MRGPRE: variants seen among roughly 807,000 people sequenced by gnomAD.
MRGPRE encodes the protein MAS related GPR family member E.
For synonymous variants in MRGPRE, 229 were observed against 206.7 expected (o/e 1.11, Z -0.92); for missense variants, 466 against 433.4 (o/e 1.08, Z -0.67).
At position 3,228,534 on chromosome 11, in the gene MRGPRE, A is replaced by G. The variant is rs899337770; in HGVS notation, c.266T>C (p.Leu89Pro). The G allele has an allele frequency of 6.2e-7, 1 of 1,613,670 alleles. No individual in the cohort carries two copies. Among genetic ancestry groups the G allele is most frequent in the Non-Finnish European group, 8.5e-7 (1 of 1,179,898 alleles). ...AIVPDLLQGRLDFPGFVQTSL... is the reference protein window; with the variant it reads ...AIVPDLLQGRPDFPGFVQTSL... ...GGTCTGCACGAAGCCCGGGAAGTCCAGCCGGCCTTGCAGCAAGTCGGGGAC... is the reference window on the plus strand; with the variant it reads ...GGTCTGCACGAAGCCCGGGAAGTCCGGCCGGCCTTGCAGCAAGTCGGGGAC... The change falls in exon 2 of 2, where the codon CTG (leucine) becomes CCG (proline). Residue 89 changes from leucine (L) to proline (P), a missense_variant. By Grantham distance (98) the Leu-to-Pro change is moderately conservative. Coordinates refer to ENST00000389832, the MANE Select transcript of MRGPRE (RefSeq NM_001039165.4).
Position 3,229,212 on chromosome 11 carries a change from CTTTTTTTTTTTTTTTTTTT to C in MRGPRE, c.-61-371_-61-353del, listed in dbSNP as rs60799467. 0.68 allele frequency among the ~76,000 whole-genome samples: 87,439 copies of C among 129,410 alleles called. 26,848 individuals are homozygous for C. The highest frequency in any genetic ancestry group is 0.73 in the Middle Eastern group (183 of 252). The allele number at this position is 129,410 out of a possible 152,430, so 84.9% of individuals were successfully genotyped here. A position where few individuals can be genotyped will look rare whatever the true frequency, so the allele number is the denominator to read the frequency against. The stretch of plus-strand genomic sequence containing the variant: ...GTGGTGCCTTGATCCTCAGAATGGG[CTTTTTTTTTTTTTTTTTTT>C]TTTTTTTTTTGGAGATGGAGTCTGG... On this transcript the variant is annotated intron_variant, in intron 1 of 1. Coordinates refer to ENST00000389832, the MANE Select transcript of MRGPRE (RefSeq NM_001039165.4). This position sits in a 1 kb window ranked among gnomAD's most constrained non-coding sequence, Gnocchi z 4.4.
chr11:3,227,774 G>C lies in MRGPRE; in HGVS notation c.*87C>G, dbSNP rs1249043288. ...CCCACCAAGGCCTCCTCCAGGTCCG[G>C]CTGGCCCCAGCCTCTGACCCCACCA... is the stretch of plus-strand genomic sequence containing the variant. On this transcript the variant is annotated 3_prime_UTR_variant, in exon 2 of 2. Transcript: ENST00000389832. 8.9e-7 allele frequency: 1 copy of C among 1,129,902 alleles called. No individual in the cohort carries two copies. The highest frequency in any genetic ancestry group is 1.2e-6 in the Non-Finnish European group (1 of 833,556). The allele number at this position is 1,129,902 out of a possible 1,614,324, so 70.0% of individuals were successfully genotyped here. A position where few individuals can be genotyped will look rare whatever the true frequency, so the allele number is the denominator to read the frequency against.
rs1195675923 is a variant in MRGPRE at position 3,228,182 on chromosome 11, G to A, written c.618C>T (p.Gly206=). The A allele has an allele frequency of 1.9e-6, 3 of 1,564,396 alleles. No individual in the cohort carries two copies. The highest frequency in any genetic ancestry group is 1.3e-5 in the African/African-American group (1 of 74,240). ...SLMLLLRVER[G]PQRPPPRGFP... ...AGCCCCGGGGTGGGGGCCGCTGGGG[G>A]CCTCGCTCCACCCGCAGCAGCAGCA... The change falls in exon 2 of 2, where the codon GGC becomes GGT. Residue 206 remains glycine, a synonymous_variant. Transcript: ENST00000389832.
In MRGPRE at chr11:3,230,733, G is replaced by T. The variant is rs1230457734; in HGVS notation, c.-62+1408C>A. On this transcript the variant is annotated intron_variant, in intron 1 of 1. Transcript: ENST00000389832. This position sits in a 1 kb window ranked among gnomAD's most constrained non-coding sequence, Gnocchi z 5.5. Reference sequence around the variant, plus strand: ...CCAGTCTGAATCTCCTGCGGGTGGAGTCAAGCCTGGTTGGAGATATAGGGC... The same window carrying T: ...CCAGTCTGAATCTCCTGCGGGTGGATTCAAGCCTGGTTGGAGATATAGGGC... Among the ~76,000 whole-genome samples the T allele has an allele frequency of 6.6e-6, 1 of 152,148 alleles. No homozygotes were observed. Among genetic ancestry groups the T allele is most frequent in the Non-Finnish European group, 1.5e-5 (1 of 68,028 alleles).
chr11:3,229,461 G>A lies in MRGPRE; in HGVS notation c.-61-601C>T, dbSNP rs908278954. ...AGGCTGGTCTCGAACTCCTGACCTC[G>A]TGATCCGCCTGCCTTGGACTCCCAA... is the stretch of plus-strand genomic sequence containing the variant. On this transcript the variant is annotated intron_variant, in intron 1 of 1. Transcript: ENST00000389832. This position sits in a 1 kb window ranked among gnomAD's most constrained non-coding sequence, Gnocchi z 4.4. Among the ~76,000 whole-genome samples the A allele has an allele frequency of 6.6e-5, 10 of 152,042 alleles. No homozygotes were observed. Among genetic ancestry groups the A allele is most frequent in the African/African-American group, 1.2e-4 (5 of 41,368 alleles).
At position 3,225,110 on chromosome 11, in the gene MRGPRE, C is replaced by T. The variant is rs980395122; in HGVS notation, c.*2751G>A. Among the ~76,000 whole-genome samples, 1 of 152,264 alleles carries T rather than the reference C, an allele frequency of 6.6e-6. No homozygotes were observed. Among genetic ancestry groups the T allele is most frequent in the Non-Finnish European group, 1.5e-5 (1 of 68,046 alleles). On this transcript the variant is annotated 3_prime_UTR_variant, in exon 2 of 2. Coordinates refer to ENST00000389832, the MANE Select transcript of MRGPRE (RefSeq NM_001039165.4). ...TAGCTGAGGAGTGAGCCTGCCTCTC[C>T]CCGTGAAGACGCCATGCAGCGCAGG...
At position 3,228,438 on chromosome 11, in the gene MRGPRE, T is replaced by C; in HGVS notation, c.362A>G (p.Gln121Arg). The C allele has an allele frequency of 6.2e-7, 1 of 1,611,078 alleles. No homozygotes were observed. Among genetic ancestry groups the C allele is most frequent in the Non-Finnish European group, 8.5e-7 (1 of 1,179,500 alleles). The change falls in exon 2 of 2, where the codon CAG (glutamine) becomes CGG (arginine). Residue 121 changes from glutamine (Q) to arginine (R), a missense_variant. Transcript: ENST00000389832. ...LSLLAAVSVE[Q>R]CLAALFPAWY... ...GGCTGGGAAGAGGGCGGCCAGGCAC[T>C]GCTCCACGCTGACGGCCGCCAGGAG...
At position 3,228,228 on chromosome 11, in the gene MRGPRE, G is replaced by T. The variant is rs1438136953; in HGVS notation, c.572C>A (p.Thr191Asn). The stretch of plus-strand genomic sequence containing the variant: ...CAGCATAAGGCTGGCCCCACACATG[G>T]TGCAACACAGCAGAGCCAGCAGCAC... ...AAVLLALLCC[T>N]MCGASLMLLL... Residue 191 changes from threonine to asparagine, a missense_variant, in exon 2 of 2, where the codon ACC becomes AAC. Thr to Asn is a moderately conservative substitution (Grantham distance 65, BLOSUM62 0). Transcript: ENST00000389832. 3.2e-6 allele frequency: 5 copies of T among 1,554,628 alleles called. No homozygotes were observed. Among genetic ancestry groups the T allele is most frequent in the Non-Finnish European group, 4.3e-6 (5 of 1,150,376 alleles).
At position 3,228,652 on chromosome 11, in the gene MRGPRE, T is replaced by A. The variant is rs1191936422; in HGVS notation, c.148A>T (p.Ser50Cys). ...LGNGAVLWLL[S>C]SNVYRNPFAI... is the part of the protein sequence containing the mutation. ...AAGGGGTTTCTGTAGACATTGGAGC[T>A]GAGCAGCCAGAGGACTGCCCCATTC... The change falls in exon 2 of 2, where the codon AGC becomes TGC. Residue 50 changes from serine to cysteine, a missense_variant. Transcript: ENST00000389832. The A allele has an allele frequency of 6.2e-7, 1 of 1,614,046 alleles. No homozygotes were observed. Among genetic ancestry groups the A allele is most frequent in the Admixed American group, 1.7e-5 (1 of 60,024 alleles).
rs1185528915 is a variant in MRGPRE, at chr11:3,230,114, A to G, written c.-61-1254T>C. On this transcript the variant is annotated intron_variant, in intron 1 of 1. Coordinates refer to ENST00000389832, the MANE Select transcript of MRGPRE (RefSeq NM_001039165.4). This position sits in a 1 kb window ranked among gnomAD's most constrained non-coding sequence, Gnocchi z 5.5. ...CAGAGCCGGAGACATGCCTGCAGAT[A>G]CCCGGCCCCATGCTGCCCCTGTGGT... 1.3e-5 allele frequency among the ~76,000 whole-genome samples: 2 copies of G among 151,650 alleles called. No individual in the cohort carries two copies. Among genetic ancestry groups the G allele is most frequent in the Admixed American group, 6.6e-5 (1 of 15,256 alleles).
rs1195130002 is a variant in MRGPRE at position 3,228,646 on chromosome 11, T to C, written c.154A>G (p.Asn52Asp). Residue 52 changes from asparagine to aspartate, a missense_variant, in exon 2 of 2, where the codon AAT becomes GAT. By Grantham distance (23) the Asn-to-Asp change is conservative. Transcript: ENST00000389832. ...NGAVLWLLSS[N>D]VYRNPFAIYL... ...ATGGCGAAGGGGTTTCTGTAGACATTGGAGCTGAGCAGCCAGAGGACTGCC... is the reference window on the plus strand; with the variant it reads ...ATGGCGAAGGGGTTTCTGTAGACATCGGAGCTGAGCAGCCAGAGGACTGCC... 1 of 1,613,978 alleles carries C rather than the reference T, an allele frequency of 6.2e-7. No individual in the cohort carries two copies.
At position 3,227,110 on chromosome 11, in the gene MRGPRE, T is replaced by G. The variant is rs1847769168; in HGVS notation, c.*751A>C. Among the ~76,000 whole-genome samples, 1 of 152,150 alleles carries G rather than the reference T, an allele frequency of 6.6e-6. No homozygotes were observed. The highest frequency in any genetic ancestry group is 2.4e-5 in the African/African-American group (1 of 41,426). On this transcript the variant is annotated 3_prime_UTR_variant, in exon 2 of 2. Coordinates refer to ENST00000389832, the MANE Select transcript of MRGPRE (RefSeq NM_001039165.4). ...TGGATGGGGCCGGTGTGAAGCTTTCTGGTTGCTGAAGACCTGGGTCCTGTG... is the reference window on the plus strand; with the variant it reads ...TGGATGGGGCCGGTGTGAAGCTTTCGGGTTGCTGAAGACCTGGGTCCTGTG...
rs568240653 is a variant in MRGPRE at position 3,230,023 on chromosome 11, G to C, written c.-61-1163C>G. Among the ~76,000 whole-genome samples, 2 of 152,134 alleles carry C rather than the reference G, an allele frequency of 1.3e-5. No homozygotes were observed. Among genetic ancestry groups the C allele is most frequent in the Admixed American group, 6.5e-5 (1 of 15,288 alleles). ...ATCCCAGGGGACCTAGGCTGGAATC[G>C]GAGTCTTCATCACAGCTTTGCCAGA... On this transcript the variant is annotated intron_variant, in intron 1 of 1. Coordinates refer to ENST00000389832, the MANE Select transcript of MRGPRE (RefSeq NM_001039165.4). The surrounding 1 kb of genome is among the most constrained non-coding windows in gnomAD (Gnocchi z 5.5).
In MRGPRE at chr11:3,230,213, G is replaced by A. The variant is rs1235624712; in HGVS notation, c.-61-1353C>T. On this transcript the variant is annotated intron_variant, in intron 1 of 1. Coordinates refer to ENST00000389832, the MANE Select transcript of MRGPRE (RefSeq NM_001039165.4). The surrounding 1 kb of genome is among the most constrained non-coding windows in gnomAD (Gnocchi z 5.5). ...CTCTTGGGGTTGGGGGAGAGGGGATGGGGCCTTGCCTCTCCCCAGAGACTG... is the reference window on the plus strand; with the variant it reads ...CTCTTGGGGTTGGGGGAGAGGGGATAGGGCCTTGCCTCTCCCCAGAGACTG... Among the ~76,000 whole-genome samples the A allele has an allele frequency of 6.6e-6, 1 of 152,020 alleles. No individual in the cohort carries two copies. The highest frequency in any genetic ancestry group is 1.5e-5 in the Non-Finnish European group (1 of 67,996).
At position 3,231,589 on chromosome 11, in the gene MRGPRE, T is replaced by G. The variant is rs1195473993; in HGVS notation, c.-62+552A>C. Among the ~76,000 whole-genome samples, 2 of 79,626 alleles carry G rather than the reference T, an allele frequency of 2.5e-5. No individual in the cohort carries two copies. The highest frequency in any genetic ancestry group is 4.7e-5 in the Non-Finnish European group (2 of 42,688). 52.2% of individuals were successfully genotyped at this position (79,626 alleles called of 152,430 possible). ...GAGGGGAGGAGGCGGGGGAGGACGATGGAAGAGAACAGGAGGGAGGAGGAG... is the reference window on the plus strand; with the variant it reads ...GAGGGGAGGAGGCGGGGGAGGACGAGGGAAGAGAACAGGAGGGAGGAGGAG... On this transcript the variant is annotated intron_variant, in intron 1 of 1. Transcript: ENST00000389832. This position sits in a 1 kb window ranked among gnomAD's most constrained non-coding sequence, Gnocchi z 4.7.
Position 3,228,623 on chromosome 11 carries a change from G to A in MRGPRE, c.177C>T (p.Ala59=), listed in dbSNP as rs958889057. 6.2e-7 allele frequency: 1 copy of A among 1,614,138 alleles called. No homozygotes were observed. Among genetic ancestry groups the A allele is most frequent in the Non-Finnish European group, 8.5e-7 (1 of 1,180,018 alleles). ...CGCAGGCCACGTCCAGGAGGTAGATGGCGAAGGGGTTTCTGTAGACATTGG... is the reference window on the plus strand; with the variant it reads ...CGCAGGCCACGTCCAGGAGGTAGATAGCGAAGGGGTTTCTGTAGACATTGG... The part of the protein sequence containing the change: ...LSSNVYRNPF[A]IYLLDVACAD... Residue 59 remains alanine, a synonymous_variant, in exon 2 of 2, where the codon GCC becomes GCT. Coordinates refer to ENST00000389832, the MANE Select transcript of MRGPRE (RefSeq NM_001039165.4).
Position 3,230,867 on chromosome 11 carries a change from T to C in MRGPRE, c.-62+1274A>G, listed in dbSNP as rs1271370035. On this transcript the variant is annotated intron_variant, in intron 1 of 1. Coordinates refer to ENST00000389832, the MANE Select transcript of MRGPRE (RefSeq NM_001039165.4). This position sits in a 1 kb window ranked among gnomAD's most constrained non-coding sequence, Gnocchi z 5.5. The stretch of plus-strand genomic sequence containing the variant: ...GGGAGCCCCACCTGGGCCAGCATCA[T>C]CAGGAGGACACCCTGAGTGGGGCAG... Among the ~76,000 whole-genome samples, 1 of 151,206 alleles carries C rather than the reference T, an allele frequency of 6.6e-6. No homozygotes were observed. The highest frequency in any genetic ancestry group is 2.4e-5 in the African/African-American group (1 of 41,028).
rs1381348720 is a variant in MRGPRE at position 3,228,122 on chromosome 11, G to A, written c.678C>T (p.Phe226=). The A allele has an allele frequency of 6.3e-7, 1 of 1,591,284 alleles. No individual in the cohort carries two copies. The highest frequency in any genetic ancestry group is 8.6e-7 in the Non-Finnish European group (1 of 1,169,382). ...PGLILLTVLL[F]LFCGLPFGIY... ...TGCCGAAGGGCAGGCCGCAGAAGAG[G>A]AAGAGGAGGACGGTGAGGAGGATGA... The change falls in exon 2 of 2, where the codon TTC becomes TTT. Residue 226 remains phenylalanine (F), a synonymous_variant. Coordinates refer to ENST00000389832, the MANE Select transcript of MRGPRE (RefSeq NM_001039165.4).
At position 3,225,611 on chromosome 11, in the gene MRGPRE, C is replaced by G. The variant is rs1443434367; in HGVS notation, c.*2250G>C. Among the ~76,000 whole-genome samples the G allele has an allele frequency of 6.6e-6, 1 of 152,158 alleles. No homozygotes were observed. Among genetic ancestry groups the G allele is most frequent in the African/African-American group, 2.4e-5 (1 of 41,428 alleles). On this transcript the variant is annotated 3_prime_UTR_variant, in exon 2 of 2. Transcript: ENST00000389832. ...GCTCAGCCTCCAGTTTGGAGGCCAG[C>G]CCACATGGTCCTAATGTCCTGAGGG...
Sources: allele counts gnomAD v4.1 joint callset (sites outside exome capture counted in the v4.1 genomes callset), GRCh38; gene constraint gnomAD v4.1.1; non-coding constraint Gnocchi (gnomAD v3.1); transcripts MANE v1.5; gene names NCBI Gene and HGNC (gene_info 2026-07-23, HGNC 2026-07-21).